The following DSCAM variants were observed in gnomAD, a reference collection of about 807,000 sequenced individuals.
The protein encoded by DSCAM is cell adhesion molecule DSCAM.
In DSCAM, 47 loss-of-function variants were observed where a neutral mutation model predicts 217.7. That is an observed-to-expected ratio of 0.22 (90% confidence interval 0.17 to 0.28). The LOEUF is 0.28. Among genes scored for constraint, DSCAM ranks in the 10% least tolerant of loss-of-function variants. The pLI, the probability that DSCAM is intolerant of heterozygous loss-of-function variation, is 1.00. For missense variants in DSCAM, 2,080 were observed against 2,618.3 expected, an observed-to-expected ratio of 0.79 and a Z score of 4.49; for synonymous variants, 1,056 against 1,015.3, an observed-to-expected ratio of 1.04 and a Z score of -0.76.
At chr21:40,838,457 T>C (rs1199598057) in intron 1 of DSCAM, among the ~76,000 whole-genome samples, 1 of 152,200 alleles carries the variant, frequency 6.6e-6, no homozygotes, top group Non-Finnish European at 1.5e-5. Flanking sequence ...TGAAGCCACT[T>C]TGGGACCCTC....
At chr21:40,270,207 G>T (rs2073597025) in intron 11 of DSCAM, among the ~76,000 whole-genome samples, 1 of 152,162 alleles carries the variant, frequency 6.6e-6, no homozygotes, top group South Asian at 2.1e-4. Flanking sequence ...ACGTTCCCTG[G>T]ATTCTTCCCA....
chr21:40,263,157 A>G (rs1451951312), intron 11 of DSCAM, among the ~76,000 whole-genome samples: 1 of 152,200 alleles, frequency 6.6e-6, no homozygotes, highest in East Asian at 1.9e-4. Context: ...TAAGGAATCT[A>G]CCAGAAAACT....
intron 11 of DSCAM, among the ~76,000 whole-genome samples, chr21:40,251,551 G>A (rs1257933118): frequency 2.0e-5 from 3 of 152,096 alleles, no homozygotes; most frequent in African/African-American, 7.3e-5. Context: ...GTTTGGAAGT[G>A]GGAACTAGGC....
chr21:40,174,227 T>C (rs2090694845), intron 15 of DSCAM, among the ~76,000 whole-genome samples: 1 of 152,206 alleles, frequency 6.6e-6, no homozygotes, highest in Non-Finnish European at 1.5e-5. Flanking sequence ...TGGTGTGGTC[T>C]TGGCTTCATG....
chr21:40,364,352 A>C (rs572915479), intron 4 of DSCAM, among the ~76,000 whole-genome samples: 137 of 152,292 alleles, frequency 9.0e-4, no homozygotes, highest in African/African-American at 3.2e-3. Flanking sequence ...GCAGCCATAA[A>C]AAATGATGAG....
intron 3 of DSCAM, among the ~76,000 whole-genome samples, chr21:40,486,474 A>G (rs1168383453): frequency 1.3e-5 from 2 of 151,754 alleles, no homozygotes; most frequent in East Asian, 1.9e-4. Flanking sequence ...AAGAAGAAAA[A>G]GAGAAAGAAA....
intron 4 of DSCAM, among the ~76,000 whole-genome samples, chr21:40,368,697 A>G (rs1411812966): frequency 6.6e-6 from 1 of 152,238 alleles, no homozygotes; most frequent in Non-Finnish European, 1.5e-5. Flanking sequence ...TTACAACCTT[A>G]TAGGATATTT....
intron 15 of DSCAM, among the ~76,000 whole-genome samples, chr21:40,167,857 A>G (rs2090614539): frequency 6.6e-6 from 1 of 152,174 alleles, no homozygotes. Flanking sequence ...CGAGATCAGG[A>G]GATTGAGACC....
chr21:40,522,384 G>C (rs931408018), intron 3 of DSCAM, among the ~76,000 whole-genome samples: 1 of 152,178 alleles, frequency 6.6e-6, no homozygotes. Context: ...TGCTCAACAG[G>C]AAAGTCAGAT....
intron 8 of DSCAM, among the ~76,000 whole-genome samples, chr21:40,337,610 A>T (rs917192075): frequency 3.9e-5 from 6 of 152,270 alleles, no homozygotes; most frequent in Middle Eastern, 3.4e-3. Flanking sequence ...TTAATGAGGA[A>T]AACGTTCTGT....
At chr21:40,592,270 A>G (rs2076989660) in intron 3 of DSCAM, among the ~76,000 whole-genome samples, 1 of 152,238 alleles carries the variant, frequency 6.6e-6, no homozygotes, top group Non-Finnish European at 1.5e-5. Flanking sequence ...AAGGCAAGGT[A>G]ACAGTAAGGA....
At chr21:40,680,464 G>T (rs371929541) in intron 3 of DSCAM, among the ~76,000 whole-genome samples, 32 of 152,332 alleles carry the variant, frequency 2.1e-4, no homozygotes, top group African/African-American at 7.7e-4. Context: ...GCTCCTCTGA[G>T]TGCAAACCCA....
chr21:40,114,223 C>T (rs1006824697), intron 20 of DSCAM, among the ~76,000 whole-genome samples: 1 of 142,872 alleles, frequency 7.0e-6, no homozygotes, highest in Non-Finnish European at 1.6e-5. Flanking sequence ...AGATATAGAC[C>T]AATGGAACAG....
At chr21:40,598,445 T>A (rs183327425) in intron 3 of DSCAM, among the ~76,000 whole-genome samples, 1 of 152,002 alleles carries the variant, frequency 6.6e-6, no homozygotes, top group Non-Finnish European at 1.5e-5. Flanking sequence ...AGAAGCGTGA[T>A]TGCTGGATCC....
At chr21:40,318,982 T>C (rs1200086153) in intron 8 of DSCAM, among the ~76,000 whole-genome samples, 8 of 152,128 alleles carry the variant, frequency 5.3e-5, no homozygotes, top group Non-Finnish European at 8.8e-5. Flanking sequence ...TGCAGTGTGG[T>C]GGAGATGACT....
At chr21:40,469,786 G>T (rs776353826) in intron 3 of DSCAM, among the ~76,000 whole-genome samples, 4 of 152,054 alleles carry the variant, frequency 2.6e-5, no homozygotes, top group Non-Finnish European at 1.5e-5. Context: ...GGAGGAAAAC[G>T]GGGAATGCAT....
chr21:40,338,210 A>G lies in DSCAM; in HGVS notation c.1674T>C (p.Thr558=), dbSNP rs374541599. The part of the protein sequence containing the change: ...HRQVAFENNG[T]LKLSDVQKEV... ...CCTTTTGCACATCTGAAAGTTTAAGAGTTCCATTGTTCTCAAATGCCACTT... is the reference window on the plus strand; with the variant it reads ...CCTTTTGCACATCTGAAAGTTTAAGGGTTCCATTGTTCTCAAATGCCACTT... Residue 558 remains threonine (T), a synonymous_variant, in exon 8 of 33, where the codon ACT becomes ACC. Coordinates refer to ENST00000400454, the MANE Select transcript of DSCAM (RefSeq NM_001389.5). 3.7e-6 allele frequency: 6 copies of G among 1,614,132 alleles called. No individual in the cohort carries two copies. The African/African-American group carries it at 8.0e-5, about 22-fold the overall frequency.
intron 16 of DSCAM, among the ~76,000 whole-genome samples, chr21:40,148,413 C>T (rs2090383445): frequency 6.6e-6 from 1 of 152,074 alleles, no homozygotes; most frequent in South Asian, 2.1e-4. Context: ...TGGGGTGATG[C>T]AAATGTTTAC....
intron 3 of DSCAM, among the ~76,000 whole-genome samples, chr21:40,638,181 G>A (rs1300634815): frequency 6.6e-6 from 1 of 152,136 alleles, no homozygotes; most frequent in Non-Finnish European, 1.5e-5. Flanking sequence ...GTAATAAACA[G>A]AAACAATCAA....
Sources: gnomAD v4.1 joint callset for allele counts (sites outside exome capture counted in the v4.1 genomes callset) on GRCh38, gnomAD v4.1.1 for gene constraint, MANE v1.5 for transcripts, NCBI Gene and HGNC (gene_info 2026-07-23, HGNC 2026-07-21) for gene names.